Variants in MAP2K2 observed in about 807,000 individuals in gnomAD.
MAP2K2 encodes dual specificity mitogen-activated protein kinase kinase 2.
A neutral mutation model predicts 43.7 loss-of-function variants in MAP2K2; 24 were observed. The observed-to-expected ratio is 0.55, with a 90% CI of 0.40 to 0.77. The LOEUF is 0.77. Among genes scored for constraint, MAP2K2 ranks in the 30% least tolerant of loss-of-function variants. MAP2K2 has a pLI of 0.00. For missense variants in MAP2K2, 470 were observed against 566.8 expected (o/e 0.83, Z 1.73); for synonymous variants, 244 against 239.7 (o/e 1.02, Z -0.17).
intron 3 of MAP2K2, 99 bp from the exon 4 acceptor site, chr19:4,102,552 G>C: frequency 9.6e-7 from 1 of 1,037,434 alleles, no homozygotes; most frequent in Middle Eastern, 2.1e-4. Flanking sequence ...TCTGCCTCCT[G>C]ACGGGAAGCA....
intron 2 of MAP2K2, among the ~76,000 whole-genome samples, chr19:4,114,420 T>C (rs1322709494): frequency 6.6e-6 from 1 of 152,140 alleles, no homozygotes; most frequent in African/African-American, 2.4e-5. Context: ...GCAGGCCGTG[T>C]GACCGCCACC....
intron 8 of MAP2K2, among the ~76,000 whole-genome samples, chr19:4,096,390 C>T (rs1250758555): frequency 6.6e-6 from 1 of 152,208 alleles, no homozygotes; most frequent in Admixed American, 6.5e-5. Context: ...CTCCAAAGGG[C>T]CACCAAAGAC....
chr19:4,114,227 C>T (rs778526651), intron 2 of MAP2K2, among the ~76,000 whole-genome samples: 11 of 152,190 alleles, frequency 7.2e-5, no homozygotes, highest in Non-Finnish European at 1.3e-4. Context: ...CTCCCAAGTC[C>T]GAGCAGATCC....
At chr19:4,093,106 G>A (rs1309898405) in intron 10 of MAP2K2, among the ~76,000 whole-genome samples, 1 of 152,166 alleles carries the variant, frequency 6.6e-6, no homozygotes, top group Non-Finnish European at 1.5e-5. Context: ...CTACTTAGGA[G>A]GCTGAGGAGG....
intron 2 of MAP2K2, among the ~76,000 whole-genome samples, chr19:4,117,094 C>T (rs912681452): frequency 4.6e-5 from 7 of 152,238 alleles, no homozygotes; most frequent in African/African-American, 7.2e-5. Flanking sequence ...TCGTCTTCAT[C>T]GCTTGTTTCT....
At chr19:4,105,155 CGTGTGT>C (rs61710801) in intron 3 of MAP2K2, among the ~76,000 whole-genome samples, 4,782 of 137,692 alleles carry the variant, frequency 0.035, 114 homozygotes, top group African/African-American at 0.056. Context: ...ACACGTCTAC[CGTGTGT>C]GTGTGTGTGT....
intron 2 of MAP2K2, among the ~76,000 whole-genome samples, chr19:4,114,107 G>A (rs1474319517): frequency 6.6e-6 from 1 of 152,196 alleles, no homozygotes; most frequent in Non-Finnish European, 1.5e-5. Context: ...GGGCAGCGTA[G>A]CAAGCCTTCA....
chr19:4,110,608 G>C lies in MAP2K2; in HGVS notation c.351C>G (p.Arg117=), dbSNP rs777670871. 14 of 1,613,782 alleles carry C rather than the reference G, an allele frequency of 8.7e-6. No homozygotes were observed. Among genetic ancestry groups the C allele is most frequent in the Non-Finnish European group, 1.1e-5 (13 of 1,180,040 alleles). The part of the protein sequence containing the change: ...IKPAIRNQII[R]ELQVLHECNS... ...TGCATTCGTGCAGGACCTGCAGCTC[G>C]CGGATGATCTGGTTCCGGATGGCCG... Residue 117 remains arginine (R), a synonymous_variant, in exon 3 of 11, where the codon CGC becomes CGG. Transcript: ENST00000262948.
chr19:4,109,723 A>T (rs2041130821), intron 3 of MAP2K2, among the ~76,000 whole-genome samples: 1 of 151,774 alleles, frequency 6.6e-6, no homozygotes, highest in African/African-American at 2.4e-5. Flanking sequence ...TGATCCTCCC[A>T]CCTCAGCCTC....
chr19:4,108,948 ACT>A (rs1294455401), intron 3 of MAP2K2, among the ~76,000 whole-genome samples: 2 of 152,090 alleles, frequency 1.3e-5, no homozygotes, highest in Non-Finnish European at 2.9e-5. Flanking sequence ...CGGCAACGTG[ACT>A]CTGCGAGCAG....
chr19:4,119,315 G>C (rs1276350115), intron 1 of MAP2K2, among the ~76,000 whole-genome samples: 2 of 152,048 alleles, frequency 1.3e-5, no homozygotes, highest in Non-Finnish European at 2.9e-5. Flanking sequence ...TCCACCTCAC[G>C]GGTTCAAGCA....
intron 3 of MAP2K2, 28 bp from the exon 4 acceptor site, chr19:4,102,481 GGCTCT>G (rs765861948): frequency 7.8e-6 from 12 of 1,529,954 alleles, no homozygotes; most frequent in Non-Finnish European, 1.1e-5. Context: ...AGTGAGTGCA[GGCTCT>G]GCGCAGGTGG....
intron 10 of MAP2K2, among the ~76,000 whole-genome samples, chr19:4,091,525 G>A (rs1042172810): frequency 6.6e-6 from 1 of 151,782 alleles, no homozygotes; most frequent in African/African-American, 2.4e-5. Flanking sequence ...GCTAATTTTT[G>A]TATTTTTAGT....
chr19:4,117,750 G>A, intron 1 of MAP2K2, 121 bp from the exon 2 acceptor site: 2 of 860,424 alleles, frequency 2.3e-6, no homozygotes, highest in Non-Finnish European at 3.9e-6. Context: ...CACTTGAGGG[G>A]TTCATGGTGT....
intron 3 of MAP2K2, among the ~76,000 whole-genome samples, chr19:4,107,213 T>C (rs890473756): frequency 6.7e-6 from 1 of 149,400 alleles, no homozygotes; most frequent in African/African-American, 2.5e-5. Context: ...CTGGGAAACA[T>C]AGTGCCATCC....
At chr19:4,113,868 C>T (rs12104390) in intron 2 of MAP2K2, among the ~76,000 whole-genome samples, 6,479 of 152,210 alleles carry the variant, frequency 0.043, 490 homozygotes, top group African/African-American at 0.15. Flanking sequence ...GCCGCCACCC[C>T]GCAGGCCTGG....
chr19:4,111,301 C>T (rs751047057), intron 2 of MAP2K2, among the ~76,000 whole-genome samples: 2 of 152,160 alleles, frequency 1.3e-5, no homozygotes, highest in African/African-American at 2.4e-5. Context: ...CCTCAATAAA[C>T]CTGTTTTCAA....
chr19:4,099,522 C>T (rs1322795406), intron 6 of MAP2K2, 108 bp from the exon 7 acceptor site: 7 of 862,448 alleles, frequency 8.1e-6, no homozygotes, highest in East Asian at 8.0e-5. Flanking sequence ...GGCTAATGAC[C>T]GCAGCAATGG....
At chr19:4,095,362 G>A in intron 9 of MAP2K2, 26 bp downstream of exon 9, 3 of 1,549,438 alleles carry the variant, frequency 1.9e-6, no homozygotes, top group Non-Finnish European at 2.6e-6. Flanking sequence ...CCCGGCCAGG[G>A]GTGTGGGCAG....
Sources: allele counts gnomAD v4.1 joint callset (sites outside exome capture counted in the v4.1 genomes callset), GRCh38; gene constraint gnomAD v4.1.1; transcripts MANE v1.5; gene names NCBI Gene and HGNC (gene_info 2026-07-23, HGNC 2026-07-21).